The following TNNI3K variants were observed in gnomAD, a reference collection of about 807,000 sequenced individuals.
TNNI3K encodes the protein TNNI3 interacting kinase, also known as serine/threonine-protein kinase TNNI3K.
In TNNI3K, 140 loss-of-function variants were observed where a neutral mutation model predicts 114.5. The ratio of observed to expected loss-of-function variants is 1.22; its 90% confidence interval spans 1.07 to 1.41. The LOEUF is 1.41. Ranked by LOEUF, TNNI3K falls within the 40% of genes most tolerant of loss-of-function variation. The pLI is 0.00. For missense variants in TNNI3K, 1,125 were observed against 1,007.6 expected (o/e 1.12, Z -1.58); for synonymous variants, 347 against 347.5 (o/e 1.00, Z 0.02).
At chr1:74,469,362 C>T (rs563157164) in intron 21 of TNNI3K, 2 of 152,522 alleles carry the variant, frequency 1.3e-5, no homozygotes, top group African/African-American at 4.8e-5. Context: ...TACCAATATG[C>T]ATATCAGTTA....
intron 17 of TNNI3K, among the ~76,000 whole-genome samples, chr1:74,430,294 A>G (rs1168932392): frequency 1.3e-5 from 2 of 152,160 alleles, no homozygotes; most frequent in Non-Finnish European, 2.9e-5. Context: ...CAGGCAATTA[A>G]AATGAAAAGA....
At chr1:74,242,134 C>T (rs571805247) in intron 2 of TNNI3K, among the ~76,000 whole-genome samples, 8 of 152,226 alleles carry the variant, frequency 5.3e-5, no homozygotes, top group African/African-American at 1.9e-4. Flanking sequence ...CAAGCATGAG[C>T]CACCGCGCCT....
rs8179511 is a variant in TNNI3K, at chr1:74,269,453, G to A, written c.334-2145G>A. 2.1e-3 allele frequency among the ~76,000 whole-genome samples: 323 copies of A among 151,916 alleles called. 7 individuals are homozygous for A. In the East Asian group the frequency reaches 0.053, roughly 25 times the overall value. On this transcript the variant is annotated intron_variant, in intron 4 of 24. Transcript: ENST00000326637. Reference sequence around the variant, plus strand: ...AATGCATAATCAAAACTGGGTGTAGGAAAATGTATCTAATTGTATGCAGGA... The same window carrying A: ...AATGCATAATCAAAACTGGGTGTAGAAAAATGTATCTAATTGTATGCAGGA...
At chr1:74,445,614 T>A (rs1666611811) in intron 20 of TNNI3K, among the ~76,000 whole-genome samples, 1 of 141,800 alleles carries the variant, frequency 7.1e-6, no homozygotes, top group Non-Finnish European at 1.5e-5. Context: ...TTTTTTTTCT[T>A]TTTTTCTTTT....
intron 17 of TNNI3K, among the ~76,000 whole-genome samples, chr1:74,388,586 A>T (rs1438995230): frequency 1.3e-5 from 2 of 152,196 alleles, no homozygotes; most frequent in Non-Finnish European, 2.9e-5. Flanking sequence ...GGTAGGAAGG[A>T]AACATTAGGT....
At chr1:74,516,676 A>G (rs1053473010) in intron 23 of TNNI3K, among the ~76,000 whole-genome samples, 3 of 152,146 alleles carry the variant, frequency 2.0e-5, no homozygotes, top group African/African-American at 7.2e-5. Context: ...GTTTAAAAAG[A>G]AGGACATTTC....
chr1:74,314,411 C>G (rs1659183825), intron 5 of TNNI3K, among the ~76,000 whole-genome samples: 1 of 151,854 alleles, frequency 6.6e-6, no homozygotes, highest in Non-Finnish European at 1.5e-5. Context: ...AAGTCGCTTT[C>G]TTTGTTTGTA....
At chr1:74,421,759 A>G (rs1665405732) in intron 17 of TNNI3K, among the ~76,000 whole-genome samples, 1 of 151,962 alleles carries the variant, frequency 6.6e-6, no homozygotes, top group South Asian at 2.1e-4. Context: ...TCATTGAGGA[A>G]GGGGATGTGC....
intron 21 of TNNI3K, 142 bp downstream of exon 21, chr1:74,463,692 T>A: frequency 1.2e-6 from 1 of 865,234 alleles, no homozygotes; most frequent in Non-Finnish European, 1.8e-6. Flanking sequence ...CTTTAGTCTC[T>A]AATTGCCTCA....
rs115474608 is a variant in TNNI3K at position 74,383,460 on chromosome 1, C to T, written c.1772+13068C>T. On this transcript the variant is annotated intron_variant, in intron 17 of 24. Coordinates refer to ENST00000326637, the MANE Select transcript of TNNI3K (RefSeq NM_015978.3). ...CCTCTCTCTTCTCTGTGCCCCTCCT[C>T]ACACTTTCTCCATAAAACTTTCCTT... is the stretch of plus-strand genomic sequence containing the variant. Among the ~76,000 whole-genome samples, 711 of 152,154 alleles carry T rather than the reference C, an allele frequency of 4.7e-3. 4 individuals carry two copies. Among genetic ancestry groups the T allele is most frequent in the Non-Finnish European group, 8.0e-3 (541 of 67,980 alleles).
chr1:74,388,429 C>T (rs1479948397), intron 17 of TNNI3K, among the ~76,000 whole-genome samples: 1 of 152,134 alleles, frequency 6.6e-6, no homozygotes, highest in Non-Finnish European at 1.5e-5. Flanking sequence ...AATGCAGATG[C>T]AGTGACAATT....
At chr1:74,461,442 T>C (rs962138444) in intron 20 of TNNI3K, among the ~76,000 whole-genome samples, 5 of 145,514 alleles carry the variant, frequency 3.4e-5, no homozygotes, top group African/African-American at 1.3e-4. Flanking sequence ...ATCATGCCAC[T>C]GCACTCCAGC....
At chr1:74,505,952 G>A (rs574179817) in intron 23 of TNNI3K, among the ~76,000 whole-genome samples, 106 of 152,254 alleles carry the variant, frequency 7.0e-4, no homozygotes, top group African/African-American at 2.4e-3. Flanking sequence ...TTGCCACCCT[G>A]ACTTCTCTTT....
intron 17 of TNNI3K, among the ~76,000 whole-genome samples, chr1:74,393,332 G>A (rs1307624581): frequency 6.6e-6 from 1 of 151,900 alleles, no homozygotes. Flanking sequence ...TTATTCTCAA[G>A]CATTTTCTTT....
chr1:74,253,528 G>A (rs1026762950), intron 4 of TNNI3K, among the ~76,000 whole-genome samples: 4 of 152,232 alleles, frequency 2.6e-5, no homozygotes, highest in East Asian at 3.9e-4. Flanking sequence ...GGAGCACAGC[G>A]CCAGTGGGCC....
chr1:74,415,612 CTT>C (rs1665078673), intron 17 of TNNI3K, among the ~76,000 whole-genome samples: 1 of 151,888 alleles, frequency 6.6e-6, no homozygotes. Context: ...GTTATTATAA[CTT>C]ATTAAATGTT....
chr1:74,253,461 G>A (rs1655075194), intron 4 of TNNI3K, among the ~76,000 whole-genome samples: 1 of 152,152 alleles, frequency 6.6e-6, no homozygotes, highest in South Asian at 2.1e-4. Flanking sequence ...CAGGCATGGC[G>A]GGCTGCAGGT....
At chr1:74,397,111 C>CG (rs1465706452) in intron 17 of TNNI3K, among the ~76,000 whole-genome samples, 3 of 151,750 alleles carry the variant, frequency 2.0e-5, no homozygotes, top group Non-Finnish European at 2.9e-5. Context: ...TGAAATGACA[C>CG]GGGGGAGCCA....
At chr1:74,403,179 G>A (rs918460186) in intron 17 of TNNI3K, among the ~76,000 whole-genome samples, 2 of 152,084 alleles carry the variant, frequency 1.3e-5, no homozygotes, top group African/African-American at 4.8e-5. Flanking sequence ...TAATTCTGGA[G>A]TCACATCTCC....
Sources: allele counts gnomAD v4.1 joint callset (sites outside exome capture counted in the v4.1 genomes callset), GRCh38; gene constraint gnomAD v4.1.1; transcripts MANE v1.5; gene names NCBI Gene and HGNC (gene_info 2026-07-23, HGNC 2026-07-21).